RNLS: variants seen among roughly 807,000 people sequenced by gnomAD.
RNLS encodes renalase.
Under a neutral mutation model 39.8 loss-of-function variants are expected in RNLS, and 39 were observed. The ratio of observed to expected loss-of-function variants is 0.98; its 90% CI spans 0.76 to 1.28. The LOEUF is 1.28. Ranked by LOEUF, RNLS falls within the 50% of genes most tolerant of loss-of-function variation. The pLI is 0.00. For missense variants in RNLS, 410 were observed against 413.3 expected, an observed-to-expected ratio of 0.99 and a Z score of 0.07; for synonymous variants, 147 against 150.7, an observed-to-expected ratio of 0.98 and a Z score of 0.18.
At chr10:88,472,396 A>G (rs572811017) in intron 4 of RNLS, among the ~76,000 whole-genome samples, 1 of 152,312 alleles carries the variant, frequency 6.6e-6, no homozygotes, top group South Asian at 2.1e-4. Flanking sequence ...GTTGAAGTCA[A>G]AAGAGTCTGG....
chr10:88,288,801 T>A (rs1843464078), intron 6 of RNLS, among the ~76,000 whole-genome samples: 1 of 152,174 alleles, frequency 6.6e-6, no homozygotes, highest in Admixed American at 6.6e-5. Flanking sequence ...TTAGGTGGAA[T>A]CACCCATTTT....
intron 4 of RNLS, among the ~76,000 whole-genome samples, chr10:88,567,098 C>A (rs2134417396): frequency 6.6e-6 from 1 of 152,160 alleles, no homozygotes; most frequent in South Asian, 2.1e-4. Context: ...AAAGAGAGAA[C>A]TTTTTAAGTC....
At chr10:88,370,115 CATT>C (rs1850432697) in intron 4 of RNLS, among the ~76,000 whole-genome samples, 1 of 152,156 alleles carries the variant, frequency 6.6e-6, no homozygotes, top group African/African-American at 2.4e-5. Flanking sequence ...CAAGTTGAAA[CATT>C]ATACTCTCAG....
intron 4 of RNLS, among the ~76,000 whole-genome samples, chr10:88,478,940 C>T (rs1160548416): frequency 6.6e-6 from 1 of 150,422 alleles, no homozygotes; most frequent in Non-Finnish European, 1.5e-5. Context: ...TCTCTCAAGC[C>T]ATGCTGAGGA....
chr10:88,382,390 C>G (rs1800208102), intron 4 of RNLS, among the ~76,000 whole-genome samples: 1 of 152,052 alleles, frequency 6.6e-6, no homozygotes, highest in Non-Finnish European at 1.5e-5. Flanking sequence ...CTCAACTCAC[C>G]AGTAACCAAT....
chr10:88,517,431 A>G (rs1846470702), intron 4 of RNLS, among the ~76,000 whole-genome samples: 1 of 151,948 alleles, frequency 6.6e-6, no homozygotes, highest in Non-Finnish European at 1.5e-5. Flanking sequence ...TTAATGTTTT[A>G]GCAATGCTTT....
chr10:88,191,952 G>T, the RNLS span, among the ~76,000 whole-genome samples: 1 of 151,460 alleles, frequency 6.6e-6, no homozygotes, highest in East Asian at 1.9e-4. Flanking sequence ...CTTCAGCTTG[G>T]GGTGCCCCAT....
chr10:88,455,747 G>A (rs1842595427), intron 4 of RNLS, among the ~76,000 whole-genome samples: 1 of 151,920 alleles, frequency 6.6e-6, no homozygotes, highest in Admixed American at 6.6e-5. Flanking sequence ...TTTTCCTCAT[G>A]AGAAAAAACT....
chr10:88,397,536 T>C (rs1027379764), intron 4 of RNLS, among the ~76,000 whole-genome samples: 1 of 151,838 alleles, frequency 6.6e-6, no homozygotes, highest in African/African-American at 2.4e-5. Context: ...CTTAAATCAA[T>C]AATCTGACAT....
chr10:88,408,547 C>T (rs1853437312), intron 4 of RNLS, among the ~76,000 whole-genome samples: 1 of 152,072 alleles, frequency 6.6e-6, no homozygotes, highest in Non-Finnish European at 1.5e-5. Context: ...ACTGAGGTTA[C>T]AGGTGTAAGC....
rs202174862 is a variant in RNLS, at chr10:88,546,550, GT to G, written c.526+26352del. Among the ~76,000 whole-genome samples the G allele has an allele frequency of 1.5e-4, 23 of 152,074 alleles. No homozygotes were observed. The East Asian group carries it at 4.2e-3, about 28-fold the overall frequency. On this transcript the variant is annotated intron_variant, in intron 4 of 6. Coordinates refer to ENST00000331772, the MANE Select transcript of RNLS (RefSeq NM_001031709.3). ...TGCTTATTGCTAATAGACATTTTGA[GT>G]TTTTTTCCTATTTTCATATTAGAAA...
intron 5 of RNLS, among the ~76,000 whole-genome samples, chr10:88,352,834 C>CT (rs1409270149): frequency 6.6e-6 from 1 of 152,054 alleles, no homozygotes; most frequent in Non-Finnish European, 1.5e-5. Context: ...TGGTCCTCGA[C>CT]TTTTTTTGGT....
chr10:88,280,969 C>G (rs1021655399), downstream of RNLS, among the ~76,000 whole-genome samples: 3 of 152,164 alleles, frequency 2.0e-5, no homozygotes, highest in Admixed American at 2.0e-4. Context: ...TTAGCAGGCT[C>G]TTTTGTGGGA....
intron 5 of RNLS, among the ~76,000 whole-genome samples, chr10:88,318,667 G>A (rs1486082300): frequency 6.6e-6 from 1 of 152,194 alleles, no homozygotes; most frequent in East Asian, 1.9e-4. Context: ...AAGGGGCTCT[G>A]CCCCAAGACC....
intron 5 of RNLS, among the ~76,000 whole-genome samples, chr10:88,320,032 G>A (rs370001394): frequency 6.6e-6 from 1 of 151,592 alleles, no homozygotes; most frequent in Admixed American, 6.6e-5. Context: ...TCAAAGGGAG[G>A]CACCTGAAAA....
the RNLS span, among the ~76,000 whole-genome samples, chr10:88,216,212 C>G: frequency 6.6e-6 from 1 of 152,124 alleles, no homozygotes; most frequent in Admixed American, 6.5e-5. Context: ...ATAATAGGCT[C>G]CAAGTCTCAA....
chr10:88,419,650 A>G (rs1183342154), intron 4 of RNLS, among the ~76,000 whole-genome samples: 1 of 152,210 alleles, frequency 6.6e-6, no homozygotes, highest in African/African-American at 2.4e-5. Flanking sequence ...TTCTTCATTT[A>G]CAAATTTTGA....
chr10:88,444,983 T>C (rs907671508), intron 4 of RNLS, among the ~76,000 whole-genome samples: 1 of 151,902 alleles, frequency 6.6e-6, no homozygotes, highest in African/African-American at 2.4e-5. Context: ...ATAAAGATAC[T>C]CCTCGAGAAG....
At chr10:88,379,514 T>C (rs1029794235) in intron 4 of RNLS, among the ~76,000 whole-genome samples, 1 of 152,224 alleles carries the variant, frequency 6.6e-6, no homozygotes, top group African/African-American at 2.4e-5. Context: ...ATCAGTCTGA[T>C]ACGTGGTAAG....
Sources: allele counts gnomAD v4.1 joint callset (sites outside exome capture counted in the v4.1 genomes callset), GRCh38; gene constraint gnomAD v4.1.1; transcripts MANE v1.5; gene names NCBI Gene and HGNC (gene_info 2026-07-23, HGNC 2026-07-21).